The following TTLL7 variants were observed in gnomAD, a reference collection of about 807,000 sequenced individuals.
The protein encoded by TTLL7 is tubulin tyrosine ligase like 7, also known as tubulin polyglutamylase TTLL7.
TTLL7 carries 53 observed loss-of-function variants against 120.2 expected under a neutral mutation model. The observed-to-expected ratio is 0.44, with a 90% confidence interval of 0.35 to 0.55. The LOEUF (loss-of-function observed/expected upper bound fraction) is 0.55. Ranked by LOEUF, TTLL7 falls within the 20% of genes least tolerant of loss-of-function variation. TTLL7 has a pLI of 0.00. For synonymous variants in TTLL7, 353 were observed against 351.7 expected, an observed-to-expected ratio of 1.00 and a Z score of -0.04; for missense variants, 803 against 1,054.7, an observed-to-expected ratio of 0.76 and a Z score of 3.31.
chr1:83,913,367 C>T (rs1657838793), intron 14 of TTLL7, among the ~76,000 whole-genome samples: 1 of 152,190 alleles, frequency 6.6e-6, no homozygotes, highest in South Asian at 2.1e-4. Flanking sequence ...ATTACTTTTG[C>T]ACCAACCTAA....
Position 83,911,198 on chromosome 1 carries a change from G to T in TTLL7, c.1753C>A (p.Pro585Thr). 6.2e-7 allele frequency: 1 copy of T among 1,612,346 alleles called. No individual in the cohort carries two copies. The highest frequency in any genetic ancestry group is 2.2e-5 in the East Asian group (1 of 44,828). ...TGAATTAATTTGTAGTGGTTGGAGG[G>T]TTTAAGATTATATGTAACTTGCTTT... Reference protein sequence around the residue: ...REKQVTYNLKPSNHYKLIQQP... With the variant: ...REKQVTYNLKTSNHYKLIQQP... Residue 585 changes from proline (P) to threonine (T), a missense_variant, in exon 15 of 21, where the codon CCC (proline) becomes ACC (threonine). Around this residue, in one of 3 missense-constraint regions of TTLL7, gnomAD observed 388 missense variants for 450.4 expected, o/e 0.86. Coordinates refer to ENST00000260505, the MANE Select transcript of TTLL7 (RefSeq NM_024686.6).
At chr1:83,927,049 T>TA (rs575537033) in intron 10 of TTLL7, among the ~76,000 whole-genome samples, 2,688 of 151,142 alleles carry the variant, frequency 0.018, 86 homozygotes, top group African/African-American at 0.062. Flanking sequence ...GTCATCCAAG[T>TA]AAAAAAAAAG....
intron 18 of TTLL7, among the ~76,000 whole-genome samples, chr1:83,902,592 C>T (rs1162710281): frequency 1.3e-5 from 2 of 151,946 alleles, no homozygotes; most frequent in East Asian, 1.9e-4. Flanking sequence ...GGTTTTTTCA[C>T]ATTTTACTGG....
intron 7 of TTLL7, among the ~76,000 whole-genome samples, chr1:83,942,049 C>G (rs948893072): frequency 6.6e-6 from 1 of 152,170 alleles, no homozygotes; most frequent in East Asian, 1.9e-4. Context: ...TTATACAAAG[C>G]CTGCTCAAAT....
rs562010228 is a variant in TTLL7, at chr1:83,870,417, G to A, written c.2544-335C>T. Reference sequence around the variant, plus strand: ...CCAGTCAAATATTTCTTTAAAACACGTGATTTGAGAATTTGACTAGCCACA... The same window carrying A: ...CCAGTCAAATATTTCTTTAAAACACATGATTTGAGAATTTGACTAGCCACA... On this transcript the variant is annotated intron_variant, in intron 20 of 20. Transcript: ENST00000260505. Among the ~76,000 whole-genome samples the A allele has an allele frequency of 9.4e-4, 143 of 152,248 alleles. 1 individual carries two copies. Among genetic ancestry groups the A allele is most frequent in the Middle Eastern group, 3.4e-3 (1 of 294 alleles).
intron 1 of TTLL7, among the ~76,000 whole-genome samples, chr1:83,961,602 A>T (rs887640205): frequency 6.6e-6 from 1 of 152,124 alleles, no homozygotes; most frequent in Admixed American, 6.6e-5. Context: ...TTACTCAATA[A>T]GTGGTGAATT....
chr1:83,940,387 G>C (rs1647842258), intron 7 of TTLL7, among the ~76,000 whole-genome samples: 1 of 152,036 alleles, frequency 6.6e-6, no homozygotes, highest in South Asian at 2.1e-4. Context: ...TTGTAGCTCA[G>C]AAATGTCTTC....
chr1:83,965,084 AAG>A (rs1362161204), intron 1 of TTLL7, among the ~76,000 whole-genome samples: 4 of 149,946 alleles, frequency 2.7e-5, no homozygotes, highest in African/African-American at 7.4e-5. Context: ...ATTATTCTGA[AAG>A]AGGTCATCAA....
chr1:83,877,881 T>C (rs1211335878), intron 20 of TTLL7, among the ~76,000 whole-genome samples: 4 of 151,992 alleles, frequency 2.6e-5, no homozygotes, highest in African/African-American at 9.6e-5. Context: ...CTTATTTAAA[T>C]GTTATTTTGT....
chr1:83,948,899 AAAG>A (rs1648762686), intron 4 of TTLL7: 1 of 402,018 alleles, frequency 2.5e-6, no homozygotes, highest in African/African-American at 2.1e-5. Context: ...GCAAAATTTT[AAAG>A]AAAACACAAA....
chr1:83,919,587 AG>A lies in TTLL7; in HGVS notation c.1500+111del, dbSNP rs113364373. The A allele has an allele frequency of 6.6e-4, 638 of 964,246 alleles. 2 individuals are homozygous for A. The African/African-American group carries it at 9.4e-3, about 14-fold the overall frequency. The allele number at this position is 964,246 out of a possible 1,614,324, so 59.7% of individuals were successfully genotyped here. On this transcript the variant is annotated intron_variant, in intron 13 of 20. Transcript: ENST00000260505. ...CTGTTAAAATAGAAAGCTTGGGGAA[AG>A]CATATCTTAAAAGTAAAATGTTTTT...
intron 18 of TTLL7, among the ~76,000 whole-genome samples, chr1:83,892,159 TTAAG>T (rs1655535207): frequency 6.6e-6 from 1 of 150,376 alleles, no homozygotes; most frequent in Non-Finnish European, 1.5e-5. Flanking sequence ...GTAAAAACAA[TTAAG>T]TTTTAAAAAC....
intron 1 of TTLL7, among the ~76,000 whole-genome samples, chr1:83,998,119 T>C (rs1653652656): frequency 6.6e-6 from 1 of 152,198 alleles, no homozygotes; most frequent in South Asian, 2.1e-4. Context: ...ATTAATACAG[T>C]GGAAAATCCA....
chr1:83,971,620 C>T (rs1250423520), intron 1 of TTLL7, among the ~76,000 whole-genome samples: 1 of 152,008 alleles, frequency 6.6e-6, no homozygotes, highest in African/African-American at 2.4e-5. Flanking sequence ...ACTGCACTTG[C>T]TGGAGTTTGC....
intron 13 of TTLL7, among the ~76,000 whole-genome samples, chr1:83,918,081 T>C (rs1658340192): frequency 6.6e-6 from 1 of 152,190 alleles, no homozygotes; most frequent in Non-Finnish European, 1.5e-5. Context: ...TGCAAAATGA[T>C]ATTAAACCTC....
intron 1 of TTLL7, among the ~76,000 whole-genome samples, chr1:83,972,347 T>G (rs1651067300): frequency 6.6e-6 from 1 of 152,100 alleles, no homozygotes; most frequent in African/African-American, 2.4e-5. Context: ...TGTCATATGG[T>G]TGGAATCATA....
intron 1 of TTLL7, among the ~76,000 whole-genome samples, chr1:83,953,208 T>C (rs934487721): frequency 6.6e-5 from 10 of 152,216 alleles, no homozygotes; most frequent in African/African-American, 2.2e-4. Context: ...TGTATTTTCA[T>C]TGTAAATATA....
chr1:83,935,324 C>A (rs1647284412), intron 8 of TTLL7, among the ~76,000 whole-genome samples: 3 of 151,990 alleles, frequency 2.0e-5, no homozygotes, highest in Admixed American at 2.0e-4. Flanking sequence ...AATCAACAGA[C>A]CCTGAATTAC....
intron 14 of TTLL7, chr1:83,912,801 TTACTAAG>T (rs2100775378): frequency 6.6e-6 from 1 of 152,242 alleles, no homozygotes; most frequent in South Asian, 2.1e-4. Flanking sequence ...GGTCTAATAT[TTACTAAG>T]TACTGACAAT....
Sources: allele counts gnomAD v4.1 joint callset (sites outside exome capture counted in the v4.1 genomes callset), GRCh38; gene constraint gnomAD v4.1.1; regional missense constraint gnomAD v4.1.1; transcripts MANE v1.5; gene names NCBI Gene and HGNC (gene_info 2026-07-23, HGNC 2026-07-21).